The following MARCHF7 variants were observed in gnomAD, a reference collection of about 807,000 sequenced individuals.
The protein encoded by MARCHF7 is membrane associated ring-CH-type finger 7, also known as E3 ubiquitin-protein ligase MARCHF7.
Under a neutral mutation model 76.5 loss-of-function variants are expected in MARCHF7, and 20 were observed. The observed-to-expected ratio is 0.26, with a 90% CI of 0.18 to 0.38. The LOEUF (loss-of-function observed/expected upper bound fraction) is 0.38, where lower values mean the gene tolerates loss of function less well. Among genes scored for constraint, MARCHF7 ranks in the 10% least tolerant of loss-of-function variants. MARCHF7 has a pLI of 1.00. For synonymous variants in MARCHF7, 295 were observed against 293.0 expected (o/e 1.01, Z -0.07); for missense variants, 797 against 812.9 (o/e 0.98, Z 0.24).
intron 3 of MARCHF7, among the ~76,000 whole-genome samples, chr2:159,726,109 A>G (rs777561507): frequency 5.3e-5 from 8 of 152,104 alleles, no homozygotes; most frequent in Non-Finnish European, 1.2e-4. Context: ...GGTGGTAGGG[A>G]CACAAGAGTG....
Position 159,729,243 on chromosome 2 carries a change from G to A in MARCHF7, c.153+68G>A, listed in dbSNP as rs1406061636. 1.5e-5 allele frequency: 17 copies of A among 1,151,632 alleles called. No homozygotes were observed. The East Asian group carries it at 4.2e-4, about 28-fold the overall frequency. 71.3% of individuals were successfully genotyped at this position (1,151,632 alleles called of 1,614,324 possible). A position where few individuals can be genotyped will look rare whatever the true frequency, so the allele number is the denominator to read the frequency against. On this transcript the variant is annotated intron_variant, in intron 4 of 11. Transcript: ENST00000409175. The stretch of plus-strand genomic sequence containing the variant: ...AATCCCTAGGGCCACTCTTTTGGGG[G>A]TATTTAAAAAATGTGTTAGCTGGAT...
intron 4 of MARCHF7, among the ~76,000 whole-genome samples, chr2:159,735,412 A>G (rs950165528): frequency 1.3e-5 from 2 of 152,188 alleles, no homozygotes; most frequent in African/African-American, 2.4e-5. Flanking sequence ...TTGCCCATTT[A>G]AAGTTCAGTA....
intron 5 of MARCHF7, 129 bp downstream of exon 5, chr2:159,743,382 A>T: frequency 1.3e-6 from 1 of 774,046 alleles, no homozygotes; most frequent in East Asian, 2.8e-5. Context: ...TGGAATTTCC[A>T]AAATCTTACT....
chr2:159,749,388 C>T (rs1705330589), intron 7 of MARCHF7, among the ~76,000 whole-genome samples: 1 of 151,764 alleles, frequency 6.6e-6, no homozygotes, highest in South Asian at 2.1e-4. Flanking sequence ...GTCTCTGTTG[C>T]CCAGGTTGGA....
intron 1 of MARCHF7, among the ~76,000 whole-genome samples, chr2:159,713,938 G>T (rs1397067661): frequency 1.3e-5 from 2 of 152,190 alleles, no homozygotes; most frequent in Non-Finnish European, 2.9e-5. Flanking sequence ...CAAGTTTAGT[G>T]CTGGGTCAGG....
At position 159,712,519 on chromosome 2, in the gene MARCHF7, A is replaced by T. The variant is rs1396368786; in HGVS notation, c.-230A>T. ...ACGGTGGTGGCTGGTTCTGCGCCGG[A>T]TCCGGGAGAGGGGCGGGCGCCATTG... On this transcript the variant is annotated 5_prime_UTR_variant, in exon 1 of 12. Coordinates refer to ENST00000409175, the MANE Select transcript of MARCHF7 (RefSeq NM_001282805.2). The T allele has an allele frequency of 2.6e-5, 4 of 152,696 alleles. No individual in the cohort carries two copies. The highest frequency in any genetic ancestry group is 9.7e-5 in the African/African-American group (4 of 41,386). 9.5% of individuals were successfully genotyped at this position (152,696 alleles called of 1,614,324 possible).
chr2:159,746,121 T>G (rs1434607943), intron 6 of MARCHF7, among the ~76,000 whole-genome samples, 184 bp downstream of exon 6: 1 of 152,226 alleles, frequency 6.6e-6, no homozygotes, highest in African/African-American at 2.4e-5. Flanking sequence ...ATACAGTCGA[T>G]GAATATGAGT....
chr2:159,727,865 G>T (rs899352252), intron 3 of MARCHF7, among the ~76,000 whole-genome samples: 2 of 152,190 alleles, frequency 1.3e-5, no homozygotes, highest in Non-Finnish European at 2.9e-5. Flanking sequence ...TCAGGCATAG[G>T]TAATCATTAC....
intron 4 of MARCHF7, among the ~76,000 whole-genome samples, chr2:159,736,631 T>A (rs1703487478): frequency 6.6e-6 from 1 of 152,210 alleles, no homozygotes; most frequent in Non-Finnish European, 1.5e-5. Context: ...TAGAAATAAT[T>A]TTCTGAAAGC....
chr2:159,759,993 A>G (rs1455072023), intron 9 of MARCHF7, among the ~76,000 whole-genome samples: 2 of 152,186 alleles, frequency 1.3e-5, no homozygotes, highest in Admixed American at 6.5e-5. Context: ...CTCTTTTATT[A>G]TATTGAATGA....
chr2:159,744,584 A>G (rs1009790636), intron 5 of MARCHF7, among the ~76,000 whole-genome samples: 2 of 152,232 alleles, frequency 1.3e-5, no homozygotes, highest in Non-Finnish European at 2.9e-5. Flanking sequence ...AATTCTTTAA[A>G]TGTTTGTGTA....
chr2:159,749,298 T>G (rs1455647856), intron 7 of MARCHF7, among the ~76,000 whole-genome samples: 1 of 151,972 alleles, frequency 6.6e-6, no homozygotes, highest in African/African-American at 2.4e-5. Flanking sequence ...CATTTCAAAA[T>G]TGGCTTCTTA....
In MARCHF7 at chr2:159,752,641, A is replaced by C. The variant is rs1028945034; in HGVS notation, c.1783+70A>C. ...CATGTATGTATGCGTTTGGTTAACA[A>C]ATTTATAGATTGTTGAATTTAGACT... On this transcript the variant is annotated intron_variant, in intron 8 of 11. Coordinates refer to ENST00000409175, the MANE Select transcript of MARCHF7 (RefSeq NM_001282805.2). 5.8e-5 allele frequency: 75 copies of C among 1,284,054 alleles called. No individual in the cohort carries two copies. The Middle Eastern group carries it at 1.0e-3, about 17-fold the overall frequency. The allele number at this position is 1,284,054 out of a possible 1,614,324, so 79.5% of individuals were successfully genotyped here.
Position 159,748,484 on chromosome 2 carries a change from C to G in MARCHF7, c.1194C>G (p.Phe398Leu), listed in dbSNP as rs533423338. Residue 398 changes from phenylalanine to leucine, a missense_variant, in exon 7 of 12, where the codon TTC (phenylalanine) becomes TTG (leucine). Phe to Leu is a conservative substitution (Grantham distance 22). Around this residue, in one of 3 missense-constraint regions of MARCHF7, gnomAD observed 643 missense variants for 631.5 expected, o/e 1.02. Coordinates refer to ENST00000409175, the MANE Select transcript of MARCHF7 (RefSeq NM_001282805.2). ...TTAGAAATAGATGCACACCTTTGTT[C>G]TCTAGAAGGAGGCGAGAGGGAAGAG... ...SSLRNRCTPL[F>L]SRRRREGRDE... 5.0e-6 allele frequency: 8 copies of G among 1,614,064 alleles called. No homozygotes were observed. In the South Asian group the frequency reaches 6.6e-5, roughly 13 times the overall value.
intron 3 of MARCHF7, among the ~76,000 whole-genome samples, chr2:159,722,369 C>G (rs1352022315): frequency 6.6e-6 from 1 of 152,282 alleles, no homozygotes; most frequent in East Asian, 1.9e-4. Context: ...AACTCCTGGC[C>G]TCAAGTGATC....
At chr2:159,723,367 T>C (rs1380851630) in intron 3 of MARCHF7, among the ~76,000 whole-genome samples, 1 of 152,220 alleles carries the variant, frequency 6.6e-6, no homozygotes, top group Non-Finnish European at 1.5e-5. Context: ...GTAGGTACTA[T>C]TAATAATTAT....
rs1292695963 is a variant in MARCHF7, at chr2:159,712,569, T to A, written c.-180T>A. 1 of 152,580 alleles carries A rather than the reference T, an allele frequency of 6.6e-6. No homozygotes were observed. The highest frequency in any genetic ancestry group is 2.4e-5 in the African/African-American group (1 of 41,408). 9.5% of individuals were successfully genotyped at this position (152,580 alleles called of 1,614,324 possible). On this transcript the variant is annotated 5_prime_UTR_variant, in exon 1 of 12. Coordinates refer to ENST00000409175, the MANE Select transcript of MARCHF7 (RefSeq NM_001282805.2). Reference sequence around the variant, plus strand: ...GTGCTTCGCTGCCGACTGCATTTCCTCAGTCACGGGCCTAGAACTCCAAGG... The same window carrying A: ...GTGCTTCGCTGCCGACTGCATTTCCACAGTCACGGGCCTAGAACTCCAAGG...
At chr2:159,738,940 A>C (rs1222494589) in intron 4 of MARCHF7, among the ~76,000 whole-genome samples, 2 of 152,186 alleles carry the variant, frequency 1.3e-5, no homozygotes, top group African/African-American at 4.8e-5. Flanking sequence ...AGCCACCCTC[A>C]GTTCCCCCTT....
intron 4 of MARCHF7, among the ~76,000 whole-genome samples, chr2:159,739,141 A>G (rs1574312771): frequency 6.6e-6 from 1 of 152,230 alleles, no homozygotes; most frequent in South Asian, 2.1e-4. Context: ...CAGGCCCCTG[A>G]GAGCACAGGG....
Sources: gnomAD v4.1 joint callset for allele counts (sites outside exome capture counted in the v4.1 genomes callset) on GRCh38, gnomAD v4.1.1 for gene constraint, gnomAD v4.1.1 regional missense constraint, MANE v1.5 for transcripts, NCBI Gene and HGNC (gene_info 2026-07-23, HGNC 2026-07-21) for gene names.